B4GALNT3: variants seen among roughly 807,000 people sequenced by gnomAD.
B4GALNT3 encodes beta-1,4-N-acetylgalactosaminyltransferase 3.
A neutral mutation model predicts 120.2 loss-of-function variants in B4GALNT3; 86 were observed. That is an observed-to-expected ratio of 0.72 (90% CI 0.60 to 0.86). The LOEUF (loss-of-function observed/expected upper bound fraction) is 0.86. B4GALNT3 is among the 40% of genes least tolerant of loss of function. B4GALNT3 has a pLI of 0.00. For synonymous variants in B4GALNT3, 518 were observed against 510.4 expected (o/e 1.01, Z -0.20); for missense variants, 1,167 against 1,298.9 (o/e 0.90, Z 1.56).
At chr12:486,434 T>C (rs1592017825) in intron 1 of B4GALNT3, among the ~76,000 whole-genome samples, 1 of 152,176 alleles carries the variant, frequency 6.6e-6, no homozygotes, top group Non-Finnish European at 1.5e-5. Flanking sequence ...GGTCTTGAAC[T>C]CCTGACCTCA....
At chr12:525,086 T>TTTTATTTATTTATTTA (rs575604135) in intron 1 of B4GALNT3, among the ~76,000 whole-genome samples, 9,191 of 130,560 alleles carry the variant, frequency 0.07, 371 homozygotes, top group African/African-American at 0.1. Context: ...AATAACACAA[T>TTTTATTTATTTATTTA]TTTATTTATT....
intron 1 of B4GALNT3, among the ~76,000 whole-genome samples, chr12:523,771 A>T (rs1267660964): frequency 6.6e-6 from 1 of 152,158 alleles, no homozygotes; most frequent in Non-Finnish European, 1.5e-5. Flanking sequence ...GATAGAAAAC[A>T]TCAGATATAG....
intron 14 of B4GALNT3, among the ~76,000 whole-genome samples, chr12:556,061 G>A (rs1947152872): frequency 6.6e-6 from 1 of 152,176 alleles, no homozygotes; most frequent in Admixed American, 6.6e-5. Context: ...GGGATTACAG[G>A]TGTGAGCCAC....
At position 516,743 on chromosome 12, in the gene B4GALNT3, A is replaced by G. The variant is rs1037296739; in HGVS notation, c.170-18423A>G. 3.3e-5 allele frequency among the ~76,000 whole-genome samples: 5 copies of G among 152,202 alleles called. No homozygotes were observed. In the South Asian group the frequency reaches 8.3e-4, roughly 25 times the overall value. Reference sequence around the variant, plus strand: ...TGGAAGGTTCCAAGCAAGGACTGGCATGGCCTGACTTACATTTTGGTGGAG... The same window carrying G: ...TGGAAGGTTCCAAGCAAGGACTGGCGTGGCCTGACTTACATTTTGGTGGAG... On this transcript the variant is annotated intron_variant, in intron 1 of 19. Coordinates refer to ENST00000266383, the MANE Select transcript of B4GALNT3 (RefSeq NM_173593.4).
At chr12:504,131 G>A (rs866538018) in intron 1 of B4GALNT3, among the ~76,000 whole-genome samples, 18 of 122,244 alleles carry the variant, frequency 1.5e-4, no homozygotes, top group South Asian at 2.5e-4. Flanking sequence ...AAAAAAAAAA[G>A]TGTTAAAGTA....
intron 1 of B4GALNT3, among the ~76,000 whole-genome samples, chr12:487,909 C>A (rs988423427): frequency 6.6e-6 from 1 of 152,134 alleles, no homozygotes; most frequent in African/African-American, 2.4e-5. Context: ...TGTGGTTACA[C>A]CATTGCACTC....
intron 3 of B4GALNT3, among the ~76,000 whole-genome samples, chr12:540,752 C>T (rs951287930): frequency 2.0e-5 from 3 of 150,686 alleles, no homozygotes; most frequent in Admixed American, 6.6e-5. Flanking sequence ...TTTTTCTTTT[C>T]TTTTTTTTTG....
intron 3 of B4GALNT3, 138 bp from the exon 4 acceptor site, chr12:544,200 TG>T: frequency 2.9e-6 from 2 of 698,354 alleles, no homozygotes; most frequent in South Asian, 1.7e-5. Flanking sequence ...GCTGAGGCTC[TG>T]GGGAGGGCAT....
At chr12:526,790 G>T (rs1946762937) in intron 1 of B4GALNT3, among the ~76,000 whole-genome samples, 1 of 152,202 alleles carries the variant, frequency 6.6e-6, no homozygotes, top group Admixed American at 6.5e-5. Flanking sequence ...TTGGAAAATG[G>T]ATATTTACTG....
intron 12 of B4GALNT3, 54 bp downstream of exon 12, chr12:552,217 G>A (rs373801064): frequency 3.5e-5 from 51 of 1,476,312 alleles, no homozygotes; most frequent in Non-Finnish European, 4.3e-5. Flanking sequence ...CTCTGCGGGA[G>A]CCAGGAGAGC....
chr12:556,458 A>G, intron 14 of B4GALNT3, 89 bp from the exon 15 acceptor site: 1 of 1,333,834 alleles, frequency 7.5e-7, no homozygotes, highest in Non-Finnish European at 1.0e-6. Context: ...AGGGTCTCCC[A>G]ACAACTAGCT....
At position 535,289 on chromosome 12, in the gene B4GALNT3, A is replaced by G. The variant is rs776916968; in HGVS notation, c.273+20A>G. 1 of 1,606,448 alleles carries G rather than the reference A, an allele frequency of 6.2e-7. No homozygotes were observed. The highest frequency in any genetic ancestry group is 1.1e-5 in the South Asian group (1 of 90,790). The stretch of plus-strand genomic sequence containing the variant: ...CTCGAGGTAGGTGACCAGCCAGTCC[A>G]TTGTCCCTGCTGATGCCTTAACAAA... On this transcript the variant is annotated intron_variant, in intron 2 of 19. Transcript: ENST00000266383.
intron 1 of B4GALNT3, among the ~76,000 whole-genome samples, chr12:524,639 TAAA>T (rs72425704): frequency 1.5e-5 from 2 of 130,860 alleles, no homozygotes; most frequent in Admixed American, 8.7e-5. Context: ...TAAGACATGT[TAAA>T]AAAAAAAAAA....
At chr12:560,749 C>T (rs968401808) in intron 19 of B4GALNT3, among the ~76,000 whole-genome samples, 3 of 152,224 alleles carry the variant, frequency 2.0e-5, no homozygotes, top group Admixed American at 6.5e-5. Flanking sequence ...GGCTCCTGTA[C>T]AGCCCTGAAC....
chr12:464,243 G>A (rs1038545460), intron 1 of B4GALNT3, among the ~76,000 whole-genome samples: 4 of 152,144 alleles, frequency 2.6e-5, no homozygotes, highest in African/African-American at 9.7e-5. Flanking sequence ...AATTGTTATT[G>A]GAAGTTAAAG....
intron 1 of B4GALNT3, among the ~76,000 whole-genome samples, chr12:472,721 G>C (rs1203281372): frequency 6.6e-6 from 1 of 152,198 alleles, no homozygotes; most frequent in Non-Finnish European, 1.5e-5. Flanking sequence ...ACAGGCGTGA[G>C]CCACCGCGCC....
At chr12:552,211 G>A (rs757679043) in intron 12 of B4GALNT3, 48 bp downstream of exon 12, 3 of 1,508,492 alleles carry the variant, frequency 2.0e-6, no homozygotes, top group Non-Finnish European at 2.8e-6. Flanking sequence ...AGAGGGCTCT[G>A]CGGGAGCCAG....
In B4GALNT3 at chr12:460,230, C is replaced by T; in HGVS notation, c.-147C>T. 1.7e-6 allele frequency: 1 copy of T among 592,504 alleles called. No individual in the cohort carries two copies. The highest frequency in any genetic ancestry group is 7.4e-5 in the South Asian group (1 of 13,484). The allele number at this position is 592,504 out of a possible 1,614,324, so 36.7% of individuals were successfully genotyped here. A position where few individuals can be genotyped will look rare whatever the true frequency, so the allele number is the denominator to read the frequency against. On this transcript the variant is annotated 5_prime_UTR_variant, in exon 1 of 20. Transcript: ENST00000266383. The surrounding 1 kb of genome is among the most constrained non-coding windows in gnomAD (Gnocchi z 8.0). ...GCCCGGAGCATGAGCCCGAGCCCCGCCGGAGAGCGGCCGGGAGAGACGGCC... is the reference window on the plus strand; with the variant it reads ...GCCCGGAGCATGAGCCCGAGCCCCGTCGGAGAGCGGCCGGGAGAGACGGCC...
chr12:533,842 T>C (rs1946831842), intron 1 of B4GALNT3, among the ~76,000 whole-genome samples: 1 of 152,092 alleles, frequency 6.6e-6, no homozygotes, highest in Non-Finnish European at 1.5e-5. Flanking sequence ...GTGCAGCCCC[T>C]GATCCCACCC....
Sources: allele counts gnomAD v4.1 joint callset (sites outside exome capture counted in the v4.1 genomes callset), GRCh38; gene constraint gnomAD v4.1.1; non-coding constraint Gnocchi (gnomAD v3.1); transcripts MANE v1.5; gene names NCBI Gene and HGNC (gene_info 2026-07-23, HGNC 2026-07-21).